The following RBFOX1 variants were observed in gnomAD, a reference collection of about 807,000 sequenced individuals.
The protein encoded by RBFOX1 is RNA binding protein fox-1 homolog 1.
A neutral mutation model predicts 57.7 loss-of-function variants in RBFOX1; 8 were observed. That is an observed-to-expected ratio of 0.14 (90% CI 0.08 to 0.25). RBFOX1 has a LOEUF of 0.25. Among genes scored for constraint, RBFOX1 ranks in the 10% least tolerant of loss-of-function variants. The pLI is 1.00. For synonymous variants in RBFOX1, 326 were observed against 222.4 expected (o/e 1.47, Z -4.15); for missense variants, 611 against 548.5 (o/e 1.11, Z -1.14).
At chr16:6,651,324 C>G (rs1315210632) in intron 2 of RBFOX1, among the ~76,000 whole-genome samples, 1 of 152,198 alleles carries the variant, frequency 6.6e-6, no homozygotes, top group East Asian at 1.9e-4. Context: ...CTTTCTCTCC[C>G]AAGCTGTATC....
chr16:6,376,678 T>A (rs991425814), intron 2 of RBFOX1, among the ~76,000 whole-genome samples: 11 of 152,188 alleles, frequency 7.2e-5, no homozygotes, highest in African/African-American at 2.4e-4. Context: ...GTTTCATGAC[T>A]CCTGTGTTAG....
chr16:7,642,753 A>C (rs566788098), intron 11 of RBFOX1, among the ~76,000 whole-genome samples: 1 of 152,242 alleles, frequency 6.6e-6, no homozygotes, highest in South Asian at 2.1e-4. Flanking sequence ...TTGTTAAACT[A>C]ATAGATGATG....
chr16:5,882,181 A>AC (rs2057780240), intron 4 of RBFOX1, among the ~76,000 whole-genome samples: 1 of 152,126 alleles, frequency 6.6e-6, no homozygotes, highest in African/African-American at 2.4e-5. Context: ...GAAATCACTA[A>AC]CCTCTACTGC....
intron 2 of RBFOX1, among the ~76,000 whole-genome samples, chr16:6,395,804 C>A (rs1002370344): frequency 6.6e-6 from 1 of 152,076 alleles, no homozygotes; most frequent in Non-Finnish European, 1.5e-5. Context: ...GTAGCTCACG[C>A]TTGTAATCCC....
chr16:7,358,594 A>C (rs2097261736), intron 4 of RBFOX1, among the ~76,000 whole-genome samples: 1 of 151,926 alleles, frequency 6.6e-6, no homozygotes, highest in Non-Finnish European at 1.5e-5. Context: ...TAATTTTTGT[A>C]TTTTTTGTAG....
Position 6,718,156 on chromosome 16 carries a change from C to T in RBFOX1, c.-16+63506C>T, listed in dbSNP as rs552710538. Among the ~76,000 whole-genome samples the T allele has an allele frequency of 7.5e-4, 114 of 152,274 alleles. 2 individuals carry two copies. Among genetic ancestry groups the T allele is most frequent in the Admixed American group, 9.8e-4 (15 of 15,300 alleles). ...ATCACTGAGTTCCTTGCAAAGATGTCCCCATCTTTTGCTTCCATTGTCTCA... is the reference window on the plus strand; with the variant it reads ...ATCACTGAGTTCCTTGCAAAGATGTTCCCATCTTTTGCTTCCATTGTCTCA... On this transcript the variant is annotated intron_variant, in intron 3 of 15. Coordinates refer to ENST00000550418, the MANE Select transcript of RBFOX1 (RefSeq NM_018723.4).
chr16:7,515,835 C>CGTTGTTGTTGTT (rs139201687), intron 4 of RBFOX1, among the ~76,000 whole-genome samples: 1 of 151,230 alleles, frequency 6.6e-6, no homozygotes, highest in Non-Finnish European at 1.5e-5. Context: ...AGTGGCAGTT[C>CGTTGTTGTTGTT]GTTGTTGTTG....
intron 5 of RBFOX1, among the ~76,000 whole-genome samples, chr16:7,544,291 C>G (rs765950063): frequency 1.8e-4 from 28 of 152,212 alleles, no homozygotes; most frequent in Non-Finnish European, 3.1e-4. Context: ...TGTCTGATTA[C>G]TTACTGGCTA....
At chr16:6,833,262 T>A (rs192696063) in intron 3 of RBFOX1, among the ~76,000 whole-genome samples, 362 of 152,156 alleles carry the variant, frequency 2.4e-3, no homozygotes, top group African/African-American at 6.6e-3. Context: ...GCCTCCCAGA[T>A]TGAAGAGATT....
intron 2 of RBFOX1, among the ~76,000 whole-genome samples, chr16:6,447,436 G>C (rs2094506333): frequency 6.6e-6 from 1 of 152,184 alleles, no homozygotes; most frequent in Non-Finnish European, 1.5e-5. Flanking sequence ...ATAAAAATGA[G>C]GTAGGCGTTA....
intron 2 of RBFOX1, among the ~76,000 whole-genome samples, chr16:6,401,556 T>C (rs959952970): frequency 6.6e-5 from 10 of 152,152 alleles, no homozygotes; most frequent in African/African-American, 1.9e-4. Context: ...GGGACAGCAG[T>C]GTTTAGCCGT....
intron 4 of RBFOX1, among the ~76,000 whole-genome samples, chr16:7,423,729 C>A: frequency 6.6e-6 from 1 of 152,124 alleles, no homozygotes; most frequent in Non-Finnish European, 1.5e-5. Flanking sequence ...CTTTCTTTTC[C>A]ACATTATGTA....
At chr16:7,655,421 G>A (rs12444608) in intron 12 of RBFOX1, among the ~76,000 whole-genome samples, 1 of 152,032 alleles carries the variant, frequency 6.6e-6, no homozygotes, top group East Asian at 1.9e-4. Flanking sequence ...AACAAACCAA[G>A]AATGAACTGG....
chr16:6,986,246 G>T (rs570719053), intron 3 of RBFOX1, among the ~76,000 whole-genome samples: 1 of 149,846 alleles, frequency 6.7e-6, no homozygotes, highest in East Asian at 2.0e-4. Context: ...TGTCACCCAG[G>T]CTGGAGTGCA....
intron 4 of RBFOX1, among the ~76,000 whole-genome samples, chr16:5,954,598 G>A (rs2059586702): frequency 6.6e-6 from 1 of 152,114 alleles, no homozygotes; most frequent in South Asian, 2.1e-4. Context: ...GCATTGTTTT[G>A]TGGTGCTAAG....
intron 3 of RBFOX1, among the ~76,000 whole-genome samples, chr16:6,745,944 G>A (rs2345491): frequency 0.97 from 147,016 of 152,322 alleles, 71,158 homozygotes; most frequent in East Asian, 1. Context: ...GCAGGATGCA[G>A]TATCAATATA....
chr16:6,818,443 A>AT (rs1366043961), intron 3 of RBFOX1, among the ~76,000 whole-genome samples: 1 of 152,188 alleles, frequency 6.6e-6, no homozygotes, highest in Admixed American at 6.5e-5. Flanking sequence ...AGAAAAAAAA[A>AT]ATATTATTGA....
intron 1 of RBFOX1, among the ~76,000 whole-genome samples, chr16:5,251,313 G>A (rs1162821120): frequency 1.3e-5 from 2 of 152,262 alleles, no homozygotes; most frequent in East Asian, 3.8e-4. Flanking sequence ...GCATCCTAGA[G>A]CTGCCATGAG....
intron 1 of RBFOX1, among the ~76,000 whole-genome samples, chr16:5,425,032 C>CCTCCCTCTCTCTCTCT: frequency 7.2e-6 from 1 of 139,648 alleles, no homozygotes; most frequent in Admixed American, 7.4e-5. Flanking sequence ...TTCCTCCCTC[C>CCTCCCTCTCTCTCTCT]CTCCCTCTCT....
Sources: allele counts gnomAD v4.1 joint callset (sites outside exome capture counted in the v4.1 genomes callset), GRCh38; gene constraint gnomAD v4.1.1; transcripts MANE v1.5; gene names NCBI Gene and HGNC (gene_info 2026-07-23, HGNC 2026-07-21).